The following TUSC3 variants were observed in gnomAD, a reference collection of about 807,000 sequenced individuals.
TUSC3 encodes the protein dolichyl-diphosphooligosaccharide--protein glycosyltransferase subunit TUSC3.
TUSC3 carries 45 observed loss-of-function variants against 44.8 expected under a neutral mutation model. The ratio of observed to expected loss-of-function variants is 1.00; its 90% CI spans 0.79 to 1.29. TUSC3 has a LOEUF of 1.29. TUSC3 is among the 50% of genes most tolerant of loss of function. The probability of loss-of-function intolerance (pLI) is 0.00; values close to 1 mark genes in which losing one functional copy is unlikely to be tolerated. For synonymous variants in TUSC3, 212 were observed against 152.9 expected, an observed-to-expected ratio of 1.39 and a Z score of -2.85; for missense variants, 519 against 437.9, an observed-to-expected ratio of 1.19 and a Z score of -1.65.
the TUSC3 span, among the ~76,000 whole-genome samples, chr8:15,776,167 T>C: frequency 1.3e-5 from 2 of 152,126 alleles, no homozygotes; most frequent in Non-Finnish European, 2.9e-5. Context: ...CAAACACTTT[T>C]CAGCTGATTA....
At chr8:15,545,154 A>G (rs988149760) in intron 1 of TUSC3, among the ~76,000 whole-genome samples, 1 of 151,412 alleles carries the variant, frequency 6.6e-6, no homozygotes, top group African/African-American at 2.4e-5. Context: ...CTGAGTTATA[A>G]CTGGACCATC....
At chr8:15,849,426 T>A in the TUSC3 span, among the ~76,000 whole-genome samples, 1 of 152,026 alleles carries the variant, frequency 6.6e-6, no homozygotes, top group South Asian at 2.1e-4. Context: ...GATCTATCAG[T>A]TTTCAAGCAA....
intron 1 of TUSC3, among the ~76,000 whole-genome samples, chr8:15,622,571 T>G (rs1263482390): frequency 6.6e-6 from 1 of 152,234 alleles, no homozygotes; most frequent in Non-Finnish European, 1.5e-5. Flanking sequence ...ATAATGACTT[T>G]TAGCACAGTA....
intron 1 of TUSC3, among the ~76,000 whole-genome samples, chr8:15,421,236 A>G (rs73189449): frequency 2.0e-5 from 3 of 152,088 alleles, no homozygotes; most frequent in Non-Finnish European, 4.4e-5. Context: ...CATCCCCCTC[A>G]TCTCATTCAA....
chr8:15,650,005 T>C lies in TUSC3; in HGVS notation c.309-692T>C, dbSNP rs146660657. On this transcript the variant is annotated intron_variant, in intron 2 of 10. Transcript: ENST00000503731. ...AAATGCCATTTTTCTGTTTCTTCTC[T>C]GTTCCTACATAAAGTTTTATCATCT... Among the ~76,000 whole-genome samples the C allele has an allele frequency of 9.8e-4, 149 of 152,324 alleles. 1 individual carries two copies. The highest frequency in any genetic ancestry group is 3.4e-3 in the African/African-American group (142 of 41,568).
chr8:15,660,905 A>T (rs199538419), intron 4 of TUSC3, among the ~76,000 whole-genome samples: 2 of 79,118 alleles, frequency 2.5e-5, no homozygotes, highest in Non-Finnish European at 5.2e-5. Flanking sequence ...AACTTTTGTT[A>T]AAAAAAAAAA....
At position 15,765,079 on chromosome 8, in the gene TUSC3, A is replaced by G. The variant is rs1563213416; in HGVS notation, c.*923A>G. ...ATTCAATGAAGCTTTCTTGAAAACAAACATAGGAGTGTAATGTACTATTAT... is the reference window on the plus strand; with the variant it reads ...ATTCAATGAAGCTTTCTTGAAAACAGACATAGGAGTGTAATGTACTATTAT... On this transcript the variant is annotated 3_prime_UTR_variant, in exon 11 of 11. Transcript: ENST00000503731. 1 of 152,180 alleles carries G rather than the reference A, an allele frequency of 6.6e-6. No homozygotes were observed. The highest frequency in any genetic ancestry group is 1.9e-4 in the East Asian group (1 of 5,176). 9.4% of individuals were successfully genotyped at this position (152,180 alleles called of 1,614,324 possible).
chr8:15,549,117 G>C (rs1801967726), intron 1 of TUSC3, among the ~76,000 whole-genome samples: 1 of 151,678 alleles, frequency 6.6e-6, no homozygotes, highest in African/African-American at 2.4e-5. Context: ...TTATACCTCA[G>C]GTATATTTGC....
At chr8:15,586,323 G>A (rs552056029) in intron 1 of TUSC3, among the ~76,000 whole-genome samples, 83 of 152,232 alleles carry the variant, frequency 5.5e-4, no homozygotes, top group African/African-American at 1.9e-3. Flanking sequence ...CCGTTGTAGT[G>A]GGGTGGGGAA....
chr8:15,468,370 T>C (rs1800442366), intron 1 of TUSC3, among the ~76,000 whole-genome samples: 1 of 152,180 alleles, frequency 6.6e-6, no homozygotes, highest in South Asian at 2.1e-4. Context: ...ACAAGAACAC[T>C]GAGGCAGATG....
the TUSC3 span, among the ~76,000 whole-genome samples, chr8:15,818,354 T>G: frequency 6.6e-6 from 1 of 152,226 alleles, no homozygotes; most frequent in Non-Finnish European, 1.5e-5. Context: ...AGCTTTTTCC[T>G]TAGAGCTGAC....
At chr8:15,784,206 G>T in the TUSC3 span, among the ~76,000 whole-genome samples, 1 of 152,138 alleles carries the variant, frequency 6.6e-6, no homozygotes, top group East Asian at 1.9e-4. Flanking sequence ...AAGTGATGGT[G>T]AGGATGTGGA....
the TUSC3 span, among the ~76,000 whole-genome samples, chr8:15,810,384 T>C: frequency 6.6e-6 from 1 of 152,166 alleles, no homozygotes; most frequent in Non-Finnish European, 1.5e-5. Context: ...ATGTCTATAA[T>C]CTCTGCACTT....
intron 6 of TUSC3, among the ~76,000 whole-genome samples, chr8:15,687,646 T>C (rs1359400187): frequency 6.6e-6 from 1 of 152,142 alleles, no homozygotes; most frequent in Non-Finnish European, 1.5e-5. Flanking sequence ...GCTCTTACAC[T>C]TCCCTTCAAC....
intron 9 of TUSC3, among the ~76,000 whole-genome samples, chr8:15,754,715 G>C (rs1168516051): frequency 3.9e-5 from 6 of 152,024 alleles, no homozygotes; most frequent in Non-Finnish European, 8.8e-5. Context: ...ATTATAAACT[G>C]TTGTACCACT....
chr8:15,603,792 T>C (rs796321007), intron 1 of TUSC3, among the ~76,000 whole-genome samples: 23 of 151,642 alleles, frequency 1.5e-4, no homozygotes, highest in African/African-American at 5.3e-4. Context: ...ATTCTATTTT[T>C]TTTTTGCCTC....
intron 1 of TUSC3, among the ~76,000 whole-genome samples, chr8:15,467,745 C>T (rs187741777): frequency 6.6e-6 from 1 of 152,144 alleles, no homozygotes; most frequent in South Asian, 2.1e-4. Context: ...GATATGTAAT[C>T]AGTCATCTTG....
chr8:15,471,120 C>G (rs970730180), intron 1 of TUSC3, among the ~76,000 whole-genome samples: 6 of 98,604 alleles, frequency 6.1e-5, no homozygotes, highest in African/African-American at 1.8e-4. Context: ...AGAGGAGGTG[C>G]AAACATTTCT....
the TUSC3 span, among the ~76,000 whole-genome samples, chr8:15,811,200 C>T: frequency 6.6e-6 from 1 of 152,292 alleles, no homozygotes; most frequent in South Asian, 2.1e-4. Flanking sequence ...ATGAAGCTAA[C>T]AAGCAGCTCC....
Sources: gnomAD v4.1 joint callset for allele counts (sites outside exome capture counted in the v4.1 genomes callset) on GRCh38, gnomAD v4.1.1 for gene constraint, MANE v1.5 for transcripts, NCBI Gene and HGNC (gene_info 2026-07-23, HGNC 2026-07-21) for gene names.